The following NCOR2 variants were observed in gnomAD, a reference collection of about 807,000 sequenced individuals.
NCOR2 encodes CTG repeat protein 26.
NCOR2 carries 81 observed loss-of-function variants against 262.9 expected under a neutral mutation model. That is an observed-to-expected ratio of 0.31 (90% CI 0.26 to 0.37). The LOEUF (loss-of-function observed/expected upper bound fraction) is 0.37. Ranked by LOEUF, NCOR2 falls within the 10% of genes least tolerant of loss-of-function variation. The pLI is 1.00. For synonymous variants in NCOR2, 1,659 were observed against 1,559.3 expected (o/e 1.06, Z -1.51); for missense variants, 3,385 against 3,621.4 (o/e 0.93, Z 1.68).
exon 31 of NCOR2, chr12:124,346,673 G>A (rs755745308): frequency 2.7e-5 from 43 of 1,578,776 alleles, no homozygotes; most frequent in Middle Eastern, 3.3e-4. Context: ...CTCCTTCACC[G>A]TGGCCACCAG....
At position 124,362,164 on chromosome 12, in the gene NCOR2, C is replaced by T. The variant is rs746715560; in HGVS notation, c.3062G>A (p.Gly1021Asp). 6.1e-6 allele frequency: 8 copies of T among 1,307,526 alleles called. No homozygotes were observed. In the Admixed American group the frequency reaches 8.7e-5, roughly 14 times the overall value. The allele number at this position is 1,307,526 out of a possible 1,614,324, so 81.0% of individuals were successfully genotyped here. A position where few individuals can be genotyped will look rare whatever the true frequency, so the allele number is the denominator to read the frequency against. The stretch of plus-strand genomic sequence containing the variant: ...GGGGGGTGCCGGGCTCCTGCTCTTG[C>T]CCCGGGGGCTGCTGCCAGGCTGCTG... Residue 1021 changes from glycine to aspartate, a missense_variant, in exon 22 of 47, where the codon GGC becomes GAC. Coordinates refer to ENST00000405201, the Ensembl canonical transcript of NCOR2.
At position 124,327,416 on chromosome 12, in the gene NCOR2, GGTGA is replaced by G. The variant is rs937270697; in HGVS notation, c.7172_7175del (p.Leu2391ProfsTer73). 1 of 1,609,822 alleles carries G rather than the reference GGTGA, an allele frequency of 6.2e-7. No individual in the cohort carries two copies. The highest frequency in any genetic ancestry group is 8.5e-7 in the Non-Finnish European group (1 of 1,178,894). ...CGGGGGTGGCCTGCAGACCTGGCGA[GGTGA>G]GTGTGTGGTCACTCCGTCCGTCAGC... On this transcript the variant is annotated frameshift_variant, in exon 45 of 47. Transcript: ENST00000405201. LOFTEE classifies it high-confidence loss of function.
chr12:124,367,337 A>G (rs941622781), intron 20 of NCOR2, among the ~76,000 whole-genome samples: 1 of 152,156 alleles, frequency 6.6e-6, no homozygotes, highest in East Asian at 1.9e-4. Context: ...GTGGTCATGG[A>G]GGTACCACTT....
upstream of NCOR2, among the ~76,000 whole-genome samples, chr12:124,498,186 C>T (rs903972329): frequency 1.3e-5 from 2 of 152,146 alleles, no homozygotes; most frequent in Non-Finnish European, 2.9e-5. Context: ...ACAAGGTGGC[C>T]GAGAGGTCTC....
At chr12:124,393,136 C>T (rs1049522519) in intron 16 of NCOR2, among the ~76,000 whole-genome samples, 1 of 152,234 alleles carries the variant, frequency 6.6e-6, no homozygotes, top group Non-Finnish European at 1.5e-5. Context: ...AGCAGAGCCT[C>T]GGGCCTCTCG....
In NCOR2 at chr12:124,344,610, C is replaced by T. The variant is rs193097789; in HGVS notation, c.4701G>A (p.Pro1567=). Reference sequence around the variant, plus strand: ...CACCCCACTCACCCTCCTGCAGGCGCGGCGTGGGCTCCCGCGTGGTCACGG... The same window carrying T: ...CACCCCACTCACCCTCCTGCAGGCGTGGCGTGGGCTCCCGCGTGGTCACGG... Residue 1567 remains proline, a synonymous_variant, in exon 32 of 47, where the codon CCG becomes CCA. Coordinates refer to ENST00000405201, the Ensembl canonical transcript of NCOR2. 7.1e-3 allele frequency: 10,360 copies of T among 1,452,766 alleles called. 46 individuals are homozygous for T. The highest frequency in any genetic ancestry group is 8.3e-3 in the Non-Finnish European group (9,112 of 1,097,116). The allele number at this position is 1,452,766 out of a possible 1,614,324, so 90.0% of individuals were successfully genotyped here.
intron 1 of NCOR2, among the ~76,000 whole-genome samples, chr12:124,492,804 G>A (rs1197339653): frequency 1.3e-5 from 2 of 152,166 alleles, no homozygotes; most frequent in Non-Finnish European, 2.9e-5. Flanking sequence ...GCAAGAAAGC[G>A]GCTCCACCCT....
exon 31 of NCOR2, chr12:124,346,765 G>T: frequency 6.4e-7 from 1 of 1,558,314 alleles, no homozygotes; most frequent in South Asian, 1.2e-5. Flanking sequence ...AGGGCGGTGG[G>T]GGCGGAGGCG....
At chr12:124,373,590 C>A (rs1316630422) in intron 19 of NCOR2, among the ~76,000 whole-genome samples, 2 of 120,724 alleles carry the variant, frequency 1.7e-5, no homozygotes, top group Middle Eastern at 5.0e-3. Flanking sequence ...GAGGCCAGTG[C>A]GTGCGCAGGG....
At chr12:124,554,685 C>T (rs1184011620) in intron 1 of NCOR2, among the ~76,000 whole-genome samples, 3 of 152,240 alleles carry the variant, frequency 2.0e-5, no homozygotes, top group Non-Finnish European at 4.4e-5. Context: ...ATGCGCAGCA[C>T]GCTTCCACCT....
At chr12:124,333,174 A>G (rs2035371225) in exon 42 of NCOR2, 1 of 1,612,824 alleles carries the variant, frequency 6.2e-7, no homozygotes, top group Middle Eastern at 1.7e-4. Flanking sequence ...GCGGGTACAC[A>G]GCACTCCGGG....
At chr12:124,327,621 T>A (rs370064389) in exon 45 of NCOR2, 2 of 1,607,046 alleles carry the variant, frequency 1.2e-6, no homozygotes, top group Non-Finnish European at 8.5e-7. Flanking sequence ...CTGGCTTCTA[T>A]AGGTCATAAG....
At chr12:124,553,302 C>T (rs1420438731) in intron 1 of NCOR2, among the ~76,000 whole-genome samples, 1 of 152,192 alleles carries the variant, frequency 6.6e-6, no homozygotes, top group Non-Finnish European at 1.5e-5. Flanking sequence ...GGTTAGCAGC[C>T]TTAATTCCAT....
In NCOR2 at chr12:124,549,809, C is replaced by T. The variant is rs1471265474; in HGVS notation, c.-164-14198G>A. 6.6e-6 allele frequency among the ~76,000 whole-genome samples: 1 copy of T among 152,152 alleles called. No individual in the cohort carries two copies. Among genetic ancestry groups the T allele is most frequent in the East Asian group, 1.9e-4 (1 of 5,196 alleles). ...GGAGAGAGGGCGGCAGGAACGGGGC[C>T]TTGAGTCACCACCCTATCCCACTGG... On this transcript the variant is annotated intron_variant, in intron 1 of 32. Coordinates refer to the NCOR2 transcript ENST00000458234. This position sits in a 1 kb window ranked among gnomAD's most constrained non-coding sequence, Gnocchi z 4.4.
At chr12:124,508,223 C>T (rs868679882) in intron 1 of NCOR2, among the ~76,000 whole-genome samples, 1 of 152,252 alleles carries the variant, frequency 6.6e-6, no homozygotes, top group African/African-American at 2.4e-5. Context: ...GGGAAGAATC[C>T]ACTTTACGTC....
intron 1 of NCOR2, among the ~76,000 whole-genome samples, chr12:124,525,521 G>A (rs920953336): frequency 1.3e-5 from 2 of 152,130 alleles, no homozygotes; most frequent in Non-Finnish European, 2.9e-5. Context: ...CCTCAACCAG[G>A]AGGAGGCCGT....
intron 1 of NCOR2, among the ~76,000 whole-genome samples, chr12:124,532,948 T>C (rs2050906725): frequency 5.0e-5 from 2 of 39,898 alleles, no homozygotes; most frequent in Non-Finnish European, 9.7e-5. Flanking sequence ...TCCCTCCAAA[T>C]CCCACTCCTC....
At chr12:124,415,116 C>T (rs963466417) in intron 13 of NCOR2, among the ~76,000 whole-genome samples, 16 of 152,274 alleles carry the variant, frequency 1.1e-4, no homozygotes, top group Admixed American at 9.8e-4. Context: ...GCTGAGGCAG[C>T]GGGGTAGTGG....
intron 16 of NCOR2, among the ~76,000 whole-genome samples, chr12:124,386,556 C>A (rs1258940093): frequency 6.6e-6 from 1 of 152,146 alleles, no homozygotes; most frequent in South Asian, 2.1e-4. Flanking sequence ...GGAATTTGCT[C>A]CCAAACCCCA....
Sources: gnomAD v4.1 joint callset for allele counts (sites outside exome capture counted in the v4.1 genomes callset) on GRCh38, gnomAD v4.1.1 for gene constraint, Gnocchi (gnomAD v3.1) non-coding constraint, MANE v1.5 for transcripts, NCBI Gene and HGNC (gene_info 2026-07-23, HGNC 2026-07-21) for gene names.